The following ZMYM2 variants were observed in gnomAD, a reference collection of about 807,000 sequenced individuals.
ZMYM2 encodes the protein zinc finger MYM-type protein 2.
ZMYM2 carries 56 observed loss-of-function variants against 162.8 expected under a neutral mutation model. The ratio of observed to expected loss-of-function variants is 0.34; its 90% confidence interval spans 0.28 to 0.43. The LOEUF (loss-of-function observed/expected upper bound fraction) is 0.43, where lower values mean the gene tolerates loss of function less well. Ranked by LOEUF, ZMYM2 falls within the 20% of genes least tolerant of loss-of-function variation. The probability of loss-of-function intolerance (pLI) is 1.00; values close to 1 mark genes in which losing one functional copy is unlikely to be tolerated. For missense variants in ZMYM2, 1,275 were observed against 1,621.8 expected (o/e 0.79, Z 3.67); for synonymous variants, 510 against 541.6 (o/e 0.94, Z 0.81).
chr13:19,944,441 T>C, the ZMYM2 span, among the ~76,000 whole-genome samples: 6 of 152,178 alleles, frequency 3.9e-5, no homozygotes, highest in Non-Finnish European at 7.3e-5. Context: ...GCTGTATCTA[T>C]GCATGTTGAT....
At chr13:19,987,148 A>T (rs1249824709) in intron 2 of ZMYM2, among the ~76,000 whole-genome samples, 1 of 150,462 alleles carries the variant, frequency 6.6e-6, no homozygotes, top group African/African-American at 2.4e-5. Flanking sequence ...AAATTTCAGC[A>T]GTTAAGTAAG....
chr13:19,993,275 C>T lies in ZMYM2; in HGVS notation c.203C>T (p.Pro68Leu), dbSNP rs1594233928. 1.9e-6 allele frequency: 3 copies of T among 1,613,936 alleles called. No individual in the cohort carries two copies. ...DDVVFIEPVQ[P>L]PPPSVPVVAD... ...GTTGTTTTTATCGAACCTGTACAAC[C>T]TCCCCCACCTTCTGTACCAGTGGTA... The change falls in exon 3 of 25, where the codon CCT (proline) becomes CTT (leucine). Residue 68 changes from proline (P) to leucine (L), a missense_variant. Pro to Leu is a moderately conservative substitution (Grantham distance 98, BLOSUM62 -3). Coordinates refer to ENST00000610343, the MANE Select transcript of ZMYM2 (RefSeq NM_197968.4).
chr13:19,945,157 T>C, the ZMYM2 span, among the ~76,000 whole-genome samples: 2 of 152,210 alleles, frequency 1.3e-5, no homozygotes, highest in South Asian at 2.1e-4. Flanking sequence ...TATTTATTTA[T>C]ATTCAACTAT....
chr13:19,951,330 A>G, the ZMYM2 span, among the ~76,000 whole-genome samples: 2 of 152,102 alleles, frequency 1.3e-5, no homozygotes, highest in Admixed American at 6.6e-5. Context: ...CATATGTCTG[A>G]TAAGAGGTTA....
chr13:19,880,191 G>C, the ZMYM2 span, among the ~76,000 whole-genome samples: 1 of 152,140 alleles, frequency 6.6e-6, no homozygotes, highest in African/African-American at 2.4e-5. Flanking sequence ...ATAAGCAGGT[G>C]AGCTAATTCC....
the ZMYM2 span, among the ~76,000 whole-genome samples, chr13:19,926,371 T>A: frequency 5.4e-5 from 8 of 149,332 alleles, no homozygotes; most frequent in African/African-American, 1.2e-4. Flanking sequence ...TTTTTTTTTT[T>A]TTTTTTTTTT....
chr13:20,012,958 G>A (rs1951323335), intron 6 of ZMYM2, among the ~76,000 whole-genome samples: 1 of 152,150 alleles, frequency 6.6e-6, no homozygotes, highest in South Asian at 2.1e-4. Context: ...AATTTTATAT[G>A]AATTTGAAGA....
intron 2 of ZMYM2, among the ~76,000 whole-genome samples, chr13:19,980,223 CAAGAATT>C (rs1957191304): frequency 1.3e-5 from 2 of 151,876 alleles, no homozygotes; most frequent in Admixed American, 6.6e-5. Context: ...CGGTGTGAGA[CAAGAATT>C]CAAAGTAATA....
At chr13:20,037,293 G>A (rs1953807876) in intron 12 of ZMYM2, among the ~76,000 whole-genome samples, 1 of 134,440 alleles carries the variant, frequency 7.4e-6, no homozygotes, top group Admixed American at 8.6e-5. Context: ...TCGGCTCACT[G>A]CAGCCTCCAC....
the ZMYM2 span, among the ~76,000 whole-genome samples, chr13:19,941,331 A>AG: frequency 1.1e-3 from 170 of 152,134 alleles, 1 homozygote; most frequent in Middle Eastern, 0.017. Context: ...ACAAAAAAAA[A>AG]AAAGAAAGCA....
At chr13:20,077,642 G>A (rs1957599651) in intron 21 of ZMYM2, among the ~76,000 whole-genome samples, 1 of 151,946 alleles carries the variant, frequency 6.6e-6, no homozygotes, top group South Asian at 2.1e-4. Context: ...GATGAGAGAG[G>A]GACAATGGCA....
chr13:20,042,913 G>C (rs1425159639), intron 12 of ZMYM2, among the ~76,000 whole-genome samples: 1 of 151,932 alleles, frequency 6.6e-6, no homozygotes, highest in Non-Finnish European at 1.5e-5. Flanking sequence ...TAGTAGAGAT[G>C]GGGTTTCACC....
the ZMYM2 span, among the ~76,000 whole-genome samples, chr13:19,884,238 G>C: frequency 6.6e-6 from 1 of 152,070 alleles, no homozygotes; most frequent in African/African-American, 2.4e-5. Context: ...GCACAGTAGG[G>C]TTGTGTCCAG....
chr13:20,071,614 ACT>A (rs956802877), intron 21 of ZMYM2, among the ~76,000 whole-genome samples: 2 of 152,286 alleles, frequency 1.3e-5, no homozygotes, highest in African/African-American at 4.8e-5. Flanking sequence ...AGTCCAGGGC[ACT>A]CTCTCTTTCC....
intron 21 of ZMYM2, chr13:20,071,093 T>G (rs547243455): frequency 6.6e-6 from 1 of 152,630 alleles, no homozygotes; most frequent in East Asian, 1.9e-4. Context: ...ATCAAAAGTC[T>G]TCTGGTTTTT....
rs1396600792 is a variant in ZMYM2 at position 20,059,542 on chromosome 13, C to G, written c.2719C>G (p.Pro907Ala). 3 of 1,283,248 alleles carry G rather than the reference C, an allele frequency of 2.3e-6. No homozygotes were observed. In the African/African-American group the frequency reaches 4.4e-5, roughly 19 times the overall value. The allele number at this position is 1,283,248 out of a possible 1,614,324, so 79.5% of individuals were successfully genotyped here. A position where few individuals can be genotyped will look rare whatever the true frequency, so the allele number is the denominator to read the frequency against. ...MHMYSQNIPV[P>A]TTVPVPVPVP... ...CATGTACAGTCAGAATATTCCTGTT[C>G]CTACTACAGTTCCTGTTCCTGTAAG... Residue 907 changes from proline to alanine, a missense_variant, in exon 16 of 25, where the codon CCT becomes GCT. Physicochemically the swap from Pro to Ala is conservative, Grantham distance 27 (BLOSUM62 -1). Transcript: ENST00000610343.
At chr13:19,867,686 C>T in the ZMYM2 span, among the ~76,000 whole-genome samples, 7 of 151,896 alleles carry the variant, frequency 4.6e-5, no homozygotes, top group Admixed American at 6.6e-5. Context: ...AGTGCAGTGG[C>T]GCAGTCTTGG....
At position 19,987,543 on chromosome 13, in the gene ZMYM2, G is replaced by A. The variant is rs140364137; in HGVS notation, c.-10-5520G>A. 7.3e-3 allele frequency among the ~76,000 whole-genome samples: 1,103 copies of A among 152,012 alleles called. 11 individuals are homozygous for A. Among genetic ancestry groups the A allele is most frequent in the African/African-American group, 0.024 (994 of 41,388 alleles). On this transcript the variant is annotated intron_variant, in intron 2 of 24. Coordinates refer to ENST00000610343, the MANE Select transcript of ZMYM2 (RefSeq NM_197968.4). ...CTCCCAAAGTGCTGGGATTACAGGC[G>A]TGAGGCACCGCACCCGGGCGCCCCG...
chr13:19,942,249 G>A, the ZMYM2 span, among the ~76,000 whole-genome samples: 384 of 151,784 alleles, frequency 2.5e-3, 15 homozygotes, highest in East Asian at 0.07. Context: ...TAATTTTACT[G>A]CAGAGTAATA....
Sources: allele counts gnomAD v4.1 joint callset (sites outside exome capture counted in the v4.1 genomes callset), GRCh38; gene constraint gnomAD v4.1.1; transcripts MANE v1.5; gene names NCBI Gene and HGNC (gene_info 2026-07-23, HGNC 2026-07-21).